LARGE1: variants seen among roughly 807,000 people sequenced by gnomAD.
The protein encoded by LARGE1 is xylosyl- and glucuronyltransferase LARGE1.
Under a neutral mutation model 87.6 loss-of-function variants are expected in LARGE1, and 43 were observed. The ratio of observed to expected loss-of-function variants is 0.49; its 90% CI spans 0.38 to 0.63. LARGE1 has a LOEUF of 0.63. Among genes scored for constraint, LARGE1 ranks in the 30% least tolerant of loss-of-function variants. The pLI, the probability that LARGE1 is intolerant of heterozygous loss-of-function variation, is 0.00. For synonymous variants in LARGE1, 434 were observed against 394.6 expected, an observed-to-expected ratio of 1.10 and a Z score of -1.18; for missense variants, 802 against 1,000.2, an observed-to-expected ratio of 0.80 and a Z score of 2.67.
chr22:33,509,940 C>T (rs992268108), intron 6 of LARGE1, among the ~76,000 whole-genome samples: 2 of 152,140 alleles, frequency 1.3e-5, no homozygotes, highest in African/African-American at 4.8e-5. Context: ...GAAAAAGTCT[C>T]GCCGCTCCCC....
At chr22:33,534,565 T>C (rs1275787515) in intron 6 of LARGE1, among the ~76,000 whole-genome samples, 1 of 152,230 alleles carries the variant, frequency 6.6e-6, no homozygotes, top group Non-Finnish European at 1.5e-5. Context: ...AATGCTGACC[T>C]GTCACACAAA....
At chr22:33,897,989 C>A (rs186853254) in intron 1 of LARGE1, among the ~76,000 whole-genome samples, 80 of 152,284 alleles carry the variant, frequency 5.3e-4, no homozygotes, top group Non-Finnish European at 1.9e-4. Flanking sequence ...AAAATACATT[C>A]AATGATTGTA....
intron 7 of LARGE1, among the ~76,000 whole-genome samples, chr22:33,418,906 G>C (rs2066595475): frequency 6.6e-6 from 1 of 152,176 alleles, no homozygotes; most frequent in African/African-American, 2.4e-5. Flanking sequence ...GTTAGTACGA[G>C]TCAGAGAGTC....
intron 2 of LARGE1, among the ~76,000 whole-genome samples, chr22:33,742,944 A>G (rs538198386): frequency 1.3e-4 from 20 of 152,012 alleles, no homozygotes; most frequent in African/African-American, 4.8e-4. Flanking sequence ...TTAGCAGTGG[A>G]GCCTGGTGGG....
At chr22:33,323,578 T>C (rs1451668717) in intron 10 of LARGE1, among the ~76,000 whole-genome samples, 1 of 151,696 alleles carries the variant, frequency 6.6e-6, no homozygotes, top group African/African-American at 2.4e-5. Flanking sequence ...CAATGTTCCA[T>C]GAACGAAGCA....
chr22:33,469,905 T>C (rs1167825551), intron 6 of LARGE1, among the ~76,000 whole-genome samples: 295 of 144,610 alleles, frequency 2.0e-3, no homozygotes, highest in Middle Eastern at 3.4e-3. Flanking sequence ...TTTTTTTTTT[T>C]CTGACACGGA....
chr22:33,792,163 T>A (rs1031862206), intron 1 of LARGE1, among the ~76,000 whole-genome samples: 2 of 152,226 alleles, frequency 1.3e-5, no homozygotes, highest in Admixed American at 1.3e-4. Context: ...GGAGGTGATA[T>A]GCTTTGGCTG....
chr22:33,910,810 C>G lies in LARGE1; in HGVS notation c.-83+9185G>C, dbSNP rs564561201. ...TAACAAGGCCACTCAAGTGGGAAAACAAGTGGCATTTTTAGGTGAAGCCTA... is the reference window on the plus strand; with the variant it reads ...TAACAAGGCCACTCAAGTGGGAAAAGAAGTGGCATTTTTAGGTGAAGCCTA... On this transcript the variant is annotated intron_variant, in intron 1 of 14. Coordinates refer to ENST00000397394, the MANE Select transcript of LARGE1 (RefSeq NM_133642.5). Among the ~76,000 whole-genome samples the G allele has an allele frequency of 5.9e-5, 9 of 152,318 alleles. No individual in the cohort carries two copies. The South Asian group carries it at 1.9e-3, about 32-fold the overall frequency.
At chr22:33,289,032 C>A (rs1367864589) in intron 12 of LARGE1, among the ~76,000 whole-genome samples, 1 of 152,018 alleles carries the variant, frequency 6.6e-6, no homozygotes, top group Non-Finnish European at 1.5e-5. Context: ...GATCTCGGCT[C>A]ACTGCAAGCT....
intron 6 of LARGE1, among the ~76,000 whole-genome samples, chr22:33,449,814 G>A (rs1008500454): frequency 3.3e-5 from 5 of 152,182 alleles, no homozygotes; most frequent in African/African-American, 7.2e-5. Flanking sequence ...CACATTCCTG[G>A]CTGCCAGTGC....
intron 11 of LARGE1, among the ~76,000 whole-genome samples, chr22:33,187,835 A>G (rs1309400021): frequency 1.4e-5 from 2 of 146,634 alleles, no homozygotes; most frequent in African/African-American, 2.5e-5. Flanking sequence ...GAGGCAGAAG[A>G]ATGGCGTAAA....
chr22:33,833,752 A>G (rs1221529746), intron 1 of LARGE1, among the ~76,000 whole-genome samples: 3 of 152,034 alleles, frequency 2.0e-5, no homozygotes, highest in African/African-American at 7.2e-5. Flanking sequence ...CAATGGCGTG[A>G]TCTCAGCTCA....
rs542629952 is a variant in LARGE1 at position 33,728,440 on chromosome 22, G to A, written c.106+32931C>T. ...TGTAATCCCAGCTACTCAGGAGGCT[G>A]AGGCAGGAGAATCGCTTGAACCTGG... On this transcript the variant is annotated intron_variant, in intron 2 of 14. Transcript: ENST00000397394. Among the ~76,000 whole-genome samples the A allele has an allele frequency of 2.0e-5, 3 of 151,104 alleles. No homozygotes were observed. In the East Asian group the frequency reaches 5.9e-4, roughly 30 times the overall value.
At chr22:33,085,440 T>C in the LARGE1 span, among the ~76,000 whole-genome samples, 3 of 152,240 alleles carry the variant, frequency 2.0e-5, no homozygotes, top group African/African-American at 7.2e-5. Context: ...TCAATTTGAC[T>C]TTGAATATGC....
chr22:33,207,848 G>A (rs923189166), intron 11 of LARGE1, among the ~76,000 whole-genome samples: 2 of 152,114 alleles, frequency 1.3e-5, no homozygotes, highest in African/African-American at 4.8e-5. Context: ...GTTTGACTTG[G>A]GTGGGGAGCG....
intron 9 of LARGE1, among the ~76,000 whole-genome samples, chr22:33,370,507 T>C (rs2064768764): frequency 6.6e-6 from 1 of 152,230 alleles, no homozygotes; most frequent in Non-Finnish European, 1.5e-5. Flanking sequence ...CATTTAAGTT[T>C]AGCTATGTAA....
At chr22:33,249,259 A>G (rs1165074036) in intron 11 of LARGE1, among the ~76,000 whole-genome samples, 1 of 152,060 alleles carries the variant, frequency 6.6e-6, no homozygotes, top group African/African-American at 2.4e-5. Context: ...GTGGCATATC[A>G]TTGTTGTTTT....
intron 7 of LARGE1, among the ~76,000 whole-genome samples, chr22:33,390,983 C>T (rs1601677166): frequency 6.6e-6 from 1 of 152,142 alleles, no homozygotes; most frequent in Admixed American, 6.5e-5. Context: ...AGGTGTAAAC[C>T]ACCACACCCA....
intron 2 of LARGE1, among the ~76,000 whole-genome samples, chr22:33,663,936 T>C (rs16992763): frequency 0.019 from 2,857 of 152,258 alleles, 72 homozygotes; most frequent in African/African-American, 0.057. Context: ...GCTCAATAAT[T>C]TCTTCTAGGA....
Sources: gnomAD v4.1 joint callset for allele counts (sites outside exome capture counted in the v4.1 genomes callset) on GRCh38, gnomAD v4.1.1 for gene constraint, MANE v1.5 for transcripts, NCBI Gene and HGNC (gene_info 2026-07-23, HGNC 2026-07-21) for gene names.